Variants in GGT1 observed in about 807,000 individuals in gnomAD.
GGT1 encodes gamma-glutamyltransferase 1.
Under a neutral mutation model 56.0 loss-of-function variants are expected in GGT1, and 21 were observed. The ratio of observed to expected loss-of-function variants is 0.38; its 90% CI spans 0.27 to 0.54. The LOEUF (loss-of-function observed/expected upper bound fraction) is 0.54, where lower values mean the gene tolerates loss of function less well. GGT1 is among the 20% of genes least tolerant of loss of function. The pLI is 0.82. For missense variants in GGT1, 466 were observed against 787.0 expected, an observed-to-expected ratio of 0.59 and a Z score of 4.88; for synonymous variants, 238 against 342.6, an observed-to-expected ratio of 0.69 and a Z score of 3.37.
upstream of GGT1, among the ~76,000 whole-genome samples, chr22:24,593,786 C>CAA (rs34143786): frequency 1.1e-3 from 112 of 105,262 alleles, 1 homozygote; most frequent in African/African-American, 3.3e-3. Flanking sequence ...AACTCTGTCT[C>CAA]AAAAAAAAAA....
intron 1 of GGT1, among the ~76,000 whole-genome samples, chr22:24,606,498 C>T (rs1442062008): frequency 1.3e-5 from 2 of 152,186 alleles, no homozygotes; most frequent in Non-Finnish European, 2.9e-5. Flanking sequence ...GGAATGCAGC[C>T]ACTTAGCAGG....
chr22:24,626,135 T>C (rs56925185), intron 11 of GGT1, among the ~76,000 whole-genome samples: 3 of 146,588 alleles, frequency 2.0e-5, no homozygotes, highest in Admixed American at 6.8e-5. Flanking sequence ...TGGGACTACA[T>C]GTGCCCACCA....
At chr22:24,585,343 C>G in the GGT1 span, among the ~76,000 whole-genome samples, 1 of 152,176 alleles carries the variant, frequency 6.6e-6, no homozygotes, top group African/African-American at 2.4e-5. Flanking sequence ...CTTTGCTCCT[C>G]CTGGGGCTCC....
At position 24,620,240 on chromosome 22, in the gene GGT1, T is replaced by C. The variant is rs3865651; in HGVS notation, c.383-88T>C. The C allele has an allele frequency of 0.085, 114,939 of 1,358,472 alleles. 13,419 individuals carry two copies. Among genetic ancestry groups the C allele is most frequent in the Admixed American group, 0.29 (9,889 of 34,670 alleles). 84.2% of individuals were successfully genotyped at this position (1,358,472 alleles called of 1,614,324 possible). ...AAGCCTCATTGCCCCATCTGTAAAA[T>C]GAGTCAGGGACTGTGCCTGGGATGC... is the stretch of plus-strand genomic sequence containing the variant. On this transcript the variant is annotated intron_variant, in intron 7 of 15. Coordinates refer to ENST00000400382, the MANE Select transcript of GGT1 (RefSeq NM_001288833.2). This position sits in a 1 kb window ranked among gnomAD's most constrained non-coding sequence, Gnocchi z 5.6.
At chr22:24,612,290 CT>C (rs200108141) in intron 5 of GGT1, among the ~76,000 whole-genome samples, 22 of 62,874 alleles carry the variant, frequency 3.5e-4, no homozygotes, top group African/African-American at 1.1e-3. Flanking sequence ...TTCTTTCTTT[CT>C]TTTTTTTTAT....
intron 1 of GGT1, among the ~76,000 whole-genome samples, chr22:24,603,960 T>G (rs2045868132): frequency 6.6e-6 from 1 of 152,036 alleles, no homozygotes; most frequent in Non-Finnish European, 1.5e-5. Context: ...GGGATATATA[T>G]AGTTCTTTCG....
chr22:24,621,871 C>T (rs1339846482), intron 9 of GGT1, among the ~76,000 whole-genome samples: 2 of 151,420 alleles, frequency 1.3e-5, no homozygotes, highest in Non-Finnish European at 2.9e-5. Context: ...GCCAACATGG[C>T]GAAACCCTGT....
At chr22:24,589,037 C>A in the GGT1 span, 1 of 1,022,586 alleles carries the variant, frequency 9.8e-7, no homozygotes, top group Admixed American at 5.8e-5. Context: ...CAAGCCCTGG[C>A]TGTTCCTGTG....
Position 24,607,999 on chromosome 22 carries a change from G to A in GGT1, c.-383G>A, listed in dbSNP as rs537974767. On this transcript the variant is annotated 5_prime_UTR_variant, in exon 2 of 16. An upstream open reading frame in the 5' UTR gains an earlier in-frame stop. Transcript: ENST00000400382. ...CTTCTGAGGAAGAGGTGCTCTCCTGGGCCCCCACTGTCCCCAGGCCTCAGG... is the reference window on the plus strand; with the variant it reads ...CTTCTGAGGAAGAGGTGCTCTCCTGAGCCCCCACTGTCCCCAGGCCTCAGG... The A allele has an allele frequency of 1.1e-3, 535 of 469,074 alleles. 16 individuals carry two copies. Among genetic ancestry groups the A allele is most frequent in the South Asian group, 8.1e-3 (520 of 64,478 alleles). 29.1% of individuals were successfully genotyped at this position (469,074 alleles called of 1,614,324 possible). A position where few individuals can be genotyped will look rare whatever the true frequency, so the allele number is the denominator to read the frequency against.
the GGT1 span, chr22:24,585,822 T>C: frequency 1.8e-5 from 26 of 1,428,990 alleles, no homozygotes; most frequent in Non-Finnish European, 2.3e-5. Context: ...TTGACCTTCA[T>C]CGCCCACTAT....
chr22:24,597,682 A>AC (rs1009121064), intron 1 of GGT1, among the ~76,000 whole-genome samples: 2 of 430 alleles, frequency 4.7e-3, no homozygotes, highest in Admixed American at 0.028. Flanking sequence ...CTCCATCTCA[A>AC]AAACACACAC....
upstream of GGT1, chr22:24,592,747 C>T (rs577136455): frequency 1.2e-4 from 149 of 1,277,786 alleles, no homozygotes; most frequent in South Asian, 2.4e-3. Context: ...AGACCAGCTC[C>T]GCCTCGCCTC....
At chr22:24,588,149 G>T in the GGT1 span, 1 of 1,259,748 alleles carries the variant, frequency 7.9e-7, no homozygotes, top group Non-Finnish European at 1.1e-6. Context: ...TGAGAGTGCA[G>T]GTGTCAACCT....
chr22:24,622,706 C>G (rs2047506348), intron 9 of GGT1, among the ~76,000 whole-genome samples: 1 of 151,874 alleles, frequency 6.6e-6, no homozygotes, highest in South Asian at 2.1e-4. Context: ...TAAGCCACTG[C>G]ACTCCAGCCT....
rs17004876 is a variant in GGT1, at chr22:24,627,898, A to G, written c.1255A>G (p.Asn419Asp). ...RSPVSGILFN[N>D]EMDDFSSPSI... ...CCCGGTCAGCGGGATCCTGTTCAAT[A>G]ATGAAATGGACGACTTCAGCTCTCC... Residue 419 changes from asparagine (N) to aspartate (D), a missense_variant, in exon 13 of 16, where the codon AAT becomes GAT. Transcript: ENST00000400382. 6.7e-4 allele frequency: 1,075 copies of G among 1,613,474 alleles called. 9 individuals are homozygous for G. In the African/African-American group the frequency reaches 7.2e-3, roughly 11 times the overall value.
upstream of GGT1, among the ~76,000 whole-genome samples, chr22:24,600,028 C>T (rs905159172): frequency 1.3e-4 from 20 of 152,168 alleles, no homozygotes; most frequent in Non-Finnish European, 1.9e-4. Flanking sequence ...CCACCCCCAT[C>T]CCCTCCTTGG....
At chr22:24,605,094 AAT>A (rs1403531903) in intron 1 of GGT1, among the ~76,000 whole-genome samples, 1 of 16,364 alleles carries the variant, frequency 6.1e-5, no homozygotes, top group Admixed American at 1.1e-3. Context: ...TATATTATAT[AAT>A]ATGTATTATA....
At chr22:24,593,194 G>T, upstream of GGT1, 1 of 763,288 alleles carries the variant, frequency 1.3e-6, no homozygotes. Context: ...CCGGAGCGAG[G>T]CCAGTGGGTT....
chr22:24,625,813 G>A (rs1194542332), intron 11 of GGT1, among the ~76,000 whole-genome samples: 3 of 151,056 alleles, frequency 2.0e-5, no homozygotes, highest in African/African-American at 4.9e-5. Flanking sequence ...ACAGGCATGA[G>A]CCACCGTGCC....
Sources: allele counts gnomAD v4.1 joint callset (sites outside exome capture counted in the v4.1 genomes callset), GRCh38; gene constraint gnomAD v4.1.1; non-coding constraint Gnocchi (gnomAD v3.1); transcripts MANE v1.5; gene names NCBI Gene and HGNC (gene_info 2026-07-23, HGNC 2026-07-21).